The following DLG2 variants were observed in gnomAD, a reference collection of about 807,000 sequenced individuals.
The protein encoded by DLG2 is discs large MAGUK scaffold protein 2.
Under a neutral mutation model 132.5 loss-of-function variants are expected in DLG2, and 45 were observed. The observed-to-expected ratio is 0.34, with a 90% confidence interval of 0.27 to 0.44. The LOEUF (loss-of-function observed/expected upper bound fraction) is 0.44. Among genes scored for constraint, DLG2 ranks in the 20% least tolerant of loss-of-function variants. The probability of loss-of-function intolerance (pLI) is 1.00; values close to 1 mark genes in which losing one functional copy is unlikely to be tolerated. For synonymous variants in DLG2, 424 were observed against 419.6 expected, an observed-to-expected ratio of 1.01 and a Z score of -0.13; for missense variants, 1,045 against 1,196.9, an observed-to-expected ratio of 0.87 and a Z score of 1.87.
chr11:84,090,229 C>A (rs921411095), intron 10 of DLG2, among the ~76,000 whole-genome samples: 4 of 151,928 alleles, frequency 2.6e-5, no homozygotes, highest in Non-Finnish European at 5.9e-5. Context: ...GCCTGGCCAA[C>A]ATGGTGAAAC....
chr11:84,533,587 C>T (rs767792394), intron 7 of DLG2, among the ~76,000 whole-genome samples: 7 of 151,982 alleles, frequency 4.6e-5, no homozygotes, highest in East Asian at 3.9e-4. Context: ...AAATTTGAAA[C>T]GTAAGGTTAA....
chr11:85,502,917 C>A (rs2093838268), intron 3 of DLG2, among the ~76,000 whole-genome samples: 1 of 152,054 alleles, frequency 6.6e-6, no homozygotes. Flanking sequence ...AGGCTGGAAA[C>A]AACCCAAATG....
intron 11 of DLG2, among the ~76,000 whole-genome samples, chr11:84,045,119 T>C (rs79368649): frequency 0.028 from 4,300 of 151,910 alleles, 162 homozygotes; most frequent in African/African-American, 0.09. Flanking sequence ...ATGCACATTG[T>C]GTTTCATAAA....
intron 15 of DLG2, among the ~76,000 whole-genome samples, chr11:83,915,636 T>C (rs956293524): frequency 6.6e-6 from 1 of 152,172 alleles, no homozygotes; most frequent in Non-Finnish European, 1.5e-5. Context: ...TATTTTTATC[T>C]GAATATTTGA....
intron 6 of DLG2, among the ~76,000 whole-genome samples, chr11:84,955,995 G>A (rs1386197651): frequency 6.6e-6 from 1 of 152,158 alleles, no homozygotes; most frequent in East Asian, 1.9e-4. Flanking sequence ...GCAGATAATG[G>A]GAAGCACTGC....
intron 6 of DLG2, among the ~76,000 whole-genome samples, chr11:84,594,801 A>T (rs1178974556): frequency 1.3e-5 from 2 of 152,234 alleles, no homozygotes; most frequent in Non-Finnish European, 2.9e-5. Context: ...TACTGCAATT[A>T]TGGAACTGTT....
At chr11:85,431,590 G>C (rs917776832) in intron 3 of DLG2, among the ~76,000 whole-genome samples, 1 of 152,234 alleles carries the variant, frequency 6.6e-6, no homozygotes, top group African/African-American at 2.4e-5. Context: ...AGCTCCTTGG[G>C]GGAGGGGTGG....
At chr11:83,521,526 G>C (rs758194781) in intron 21 of DLG2, among the ~76,000 whole-genome samples, 16 of 152,136 alleles carry the variant, frequency 1.1e-4, no homozygotes, top group Non-Finnish European at 2.2e-4. Context: ...GATTTACCAG[G>C]TAAGGCAAAT....
At chr11:84,857,434 T>A (rs1253539289) in intron 6 of DLG2, among the ~76,000 whole-genome samples, 1 of 151,946 alleles carries the variant, frequency 6.6e-6, no homozygotes, top group Non-Finnish European at 1.5e-5. Flanking sequence ...TTGATTTTTT[T>A]TTAATGAGCT....
chr11:84,728,645 G>A (rs1370946267), intron 6 of DLG2, among the ~76,000 whole-genome samples: 2 of 152,100 alleles, frequency 1.3e-5, no homozygotes, highest in East Asian at 3.9e-4. Context: ...CTATTGTTTG[G>A]AATAGTTTCA....
intron 6 of DLG2, among the ~76,000 whole-genome samples, chr11:84,833,584 AT>A (rs1184208013): frequency 5.3e-5 from 8 of 151,270 alleles, no homozygotes; most frequent in Non-Finnish European, 1.2e-4. Context: ...CTTTTATCAC[AT>A]TTAAAAAGGA....
At chr11:84,021,326 C>T (rs770031317) in intron 11 of DLG2, among the ~76,000 whole-genome samples, 9 of 151,326 alleles carry the variant, frequency 5.9e-5, no homozygotes, top group Non-Finnish European at 1.3e-4. Flanking sequence ...CAAACCTGTA[C>T]TATTTCAACT....
intron 8 of DLG2, among the ~76,000 whole-genome samples, chr11:84,199,310 G>A (rs976861463): frequency 7.9e-5 from 12 of 152,048 alleles, no homozygotes; most frequent in Non-Finnish European, 1.3e-4. Flanking sequence ...ACACTCACCC[G>A]ATATTAATAA....
intron 6 of DLG2, among the ~76,000 whole-genome samples, chr11:84,719,836 C>T (rs759352934): frequency 1.3e-5 from 2 of 152,136 alleles, no homozygotes; most frequent in Non-Finnish European, 2.9e-5. Flanking sequence ...TAAAAATAAG[C>T]TGTTTATCTT....
chr11:83,460,928 C>G (rs1438876776), intron 27 of DLG2, among the ~76,000 whole-genome samples: 1 of 149,684 alleles, frequency 6.7e-6, no homozygotes, highest in South Asian at 2.1e-4. Flanking sequence ...CTGACACTTT[C>G]TATATTCTGA....
At chr11:85,172,114 G>T (rs1362126070) in intron 4 of DLG2, among the ~76,000 whole-genome samples, 2 of 152,236 alleles carry the variant, frequency 1.3e-5, no homozygotes. Context: ...CAGCCATACT[G>T]CTTGTTTAAG....
intron 11 of DLG2, among the ~76,000 whole-genome samples, chr11:84,029,208 C>A (rs1244662417): frequency 6.6e-6 from 1 of 151,816 alleles, no homozygotes; most frequent in Non-Finnish European, 1.5e-5. Flanking sequence ...GTGGAGTCTG[C>A]CAGAAATAAA....
chr11:85,498,355 G>C (rs1380562195), intron 3 of DLG2, among the ~76,000 whole-genome samples: 1 of 152,158 alleles, frequency 6.6e-6, no homozygotes, highest in Non-Finnish European at 1.5e-5. Context: ...AATGGTAAAG[G>C]TATCAATTCA....
intron 7 of DLG2, among the ~76,000 whole-genome samples, chr11:84,280,610 A>G (rs529443824): frequency 2.0e-5 from 3 of 152,318 alleles, no homozygotes; most frequent in African/African-American, 7.2e-5. Context: ...AAAAAAGAGG[A>G]TATAATATTA....
Sources: gnomAD v4.1 joint callset for allele counts (sites outside exome capture counted in the v4.1 genomes callset) on GRCh38, gnomAD v4.1.1 for gene constraint, MANE v1.5 for transcripts, NCBI Gene and HGNC (gene_info 2026-07-23, HGNC 2026-07-21) for gene names.